Variants in NPHS1 observed in about 807,000 individuals in gnomAD.
NPHS1 encodes the protein nephrin.
Under a neutral mutation model 139.7 loss-of-function variants are expected in NPHS1, and 107 were observed. That is an observed-to-expected ratio of 0.77 (90% CI 0.66 to 0.90). NPHS1 has a LOEUF of 0.90. Ranked by LOEUF, NPHS1 falls within the 40% of genes least tolerant of loss-of-function variation. The pLI is 0.00. For synonymous variants in NPHS1, 707 were observed against 706.6 expected (o/e 1.00, Z -0.01); for missense variants, 1,580 against 1,654.2 (o/e 0.96, Z 0.78).
At chr19:35,828,099 C>T (rs1972822282) in intron 28 of NPHS1, among the ~76,000 whole-genome samples, 1 of 152,006 alleles carries the variant, frequency 6.6e-6, no homozygotes, top group South Asian at 2.1e-4. Flanking sequence ...ACAAAAAGAA[C>T]ATGAATGGTA....
intron 23 of NPHS1, among the ~76,000 whole-genome samples, chr19:35,834,096 G>A (rs1407191212): frequency 6.6e-6 from 1 of 152,106 alleles, no homozygotes; most frequent in Non-Finnish European, 1.5e-5. Flanking sequence ...CCAAATGGTT[G>A]CAATCATCTC....
chr19:35,843,370 A>G (rs1973087852), intron 17 of NPHS1, 102 bp downstream of exon 17: 2 of 1,389,968 alleles, frequency 1.4e-6, no homozygotes, highest in South Asian at 2.3e-5. Context: ...TATAGTTATA[A>G]GGGTCATACA....
At chr19:35,838,321 G>C (rs1973004297) in intron 22 of NPHS1, among the ~76,000 whole-genome samples, 1 of 150,004 alleles carries the variant, frequency 6.7e-6, no homozygotes. Flanking sequence ...GGGAGGCCAA[G>C]GCAGGTGGAT....
chr19:35,832,395 A>C (rs1219722817), intron 23 of NPHS1, among the ~76,000 whole-genome samples: 5 of 152,046 alleles, frequency 3.3e-5, no homozygotes, highest in Admixed American at 3.3e-4. Context: ...AAAATTAAAA[A>C]TTTAGCAGCA....
chr19:35,846,188 G>A lies in NPHS1; in HGVS notation c.1447C>T (p.Arg483Cys). The change falls in exon 12 of 29, where the codon CGC becomes TGC. Residue 483 changes from arginine to cysteine, a missense_variant. Physicochemically the swap from Arg to Cys is radical, Grantham distance 180 (BLOSUM62 -3). Transcript: ENST00000378910. ...EPSLMWYKDS[R>C]TVTESRLPQE... ...GGCAGCCGCGACTCGGTCACGGTGCGCGAGTCCTACGGGCCGGGAGTGACT... is the reference window on the plus strand; with the variant it reads ...GGCAGCCGCGACTCGGTCACGGTGCACGAGTCCTACGGGCCGGGAGTGACT... 1 of 1,588,660 alleles carries A rather than the reference G, an allele frequency of 6.3e-7. No homozygotes were observed. Among genetic ancestry groups the A allele is most frequent in the Non-Finnish European group, 8.5e-7 (1 of 1,169,992 alleles).
chr19:35,831,432 A>G, intron 25 of NPHS1, 44 bp downstream of exon 25: 1 of 1,612,968 alleles, frequency 6.2e-7, no homozygotes, highest in Non-Finnish European at 8.5e-7. Flanking sequence ...GTCTCCCCCA[A>G]ACCTCCCTCA....
chr19:35,841,035 C>T (rs1973048937), intron 20 of NPHS1, among the ~76,000 whole-genome samples: 1 of 151,864 alleles, frequency 6.6e-6, no homozygotes, highest in Non-Finnish European at 1.5e-5. Context: ...TCTGGGAATT[C>T]TAACAGACCA....
intron 16 of NPHS1, 152 bp downstream of exon 16, chr19:35,843,951 G>A (rs2146821592): frequency 9.3e-7 from 1 of 1,073,992 alleles, no homozygotes; most frequent in East Asian, 2.5e-5. Context: ...GTTCCGCAGT[G>A]GGCGTGGTTA....
intron 28 of NPHS1, 83 bp from the exon 29 acceptor site, chr19:35,826,728 C>A: frequency 1.4e-6 from 2 of 1,471,176 alleles, no homozygotes; most frequent in Non-Finnish European, 1.9e-6. Context: ...CATGCCCCTG[C>A]TTAACTTCCC....
chr19:35,840,567 C>A (rs1312998970), intron 20 of NPHS1, among the ~76,000 whole-genome samples: 2 of 151,982 alleles, frequency 1.3e-5, no homozygotes, highest in Admixed American at 1.3e-4. Flanking sequence ...ATCTCCTGAC[C>A]TCGTGATCCA....
rs201546612 is a variant in NPHS1 at position 35,851,631 on chromosome 19, A to G, written c.100T>C (p.Phe34Leu). The change falls in exon 2 of 29, where the codon TTC becomes CTC. Residue 34 changes from phenylalanine to leucine, a missense_variant. Physicochemically the swap from Phe to Leu is conservative, Grantham distance 22. Transcript: ENST00000378910. ...LAIPASVPRGFWALPENLTVV... is the reference protein window; with the variant it reads ...LAIPASVPRGLWALPENLTVV... ...GTCAGGTTTTCAGGCAGGGCCCAGA[A>G]GCCCCGGGGAACGGAGGCAGGAATC... The G allele has an allele frequency of 1.2e-6, 2 of 1,613,966 alleles. No homozygotes were observed. Among genetic ancestry groups the G allele is most frequent in the South Asian group, 2.2e-5 (2 of 91,052 alleles).
At chr19:35,829,088 C>G (rs577784799) in intron 28 of NPHS1, among the ~76,000 whole-genome samples, 1 of 152,352 alleles carries the variant, frequency 6.6e-6, no homozygotes, top group South Asian at 2.1e-4. Context: ...TTTGCCTGTA[C>G]AGCCACCATC....
At chr19:35,831,268 T>C (rs1418410057) in intron 26 of NPHS1, 28 bp downstream of exon 26, 4 of 1,611,446 alleles carry the variant, frequency 2.5e-6, no homozygotes, top group East Asian at 2.2e-5. Flanking sequence ...GCCCTGATTG[T>C]GGGGTCACCA....
chr19:35,841,713 A>G lies in NPHS1; in HGVS notation c.2815+2T>C. The G allele has an allele frequency of 1.2e-6, 2 of 1,614,016 alleles. No homozygotes were observed. The highest frequency in any genetic ancestry group is 1.7e-6 in the Non-Finnish European group (2 of 1,179,990). On this transcript the variant is annotated splice_donor_variant, in intron 20 of 28. Coordinates refer to ENST00000378910, the MANE Select transcript of NPHS1 (RefSeq NM_004646.4). LOFTEE classifies it high-confidence loss of function. ...CCCAACACCCTCACAGCCCCTCCAT[A>G]CTGATGCTGACAAGTTGAATGTTGG...
intron 23 of NPHS1, among the ~76,000 whole-genome samples, chr19:35,835,267 G>A (rs912817905): frequency 2.7e-5 from 4 of 145,580 alleles, no homozygotes; most frequent in African/African-American, 1.0e-4. Flanking sequence ...CTGCAAGTCT[G>A]CAATTCTGCA....
Position 35,844,377 on chromosome 19 carries a change from G to A in NPHS1, c.2013C>T (p.Ser671=), listed in dbSNP as rs775801945. Reference sequence around the variant, plus strand: ...TGAAGGCCTCGGGGGCGGGGTTAGCGGACACGGACACGGGCAGCAACGCCT... The same window carrying A: ...TGAAGGCCTCGGGGGCGGGGTTAGCAGACACGGACACGGGCAGCAACGCCT... ...QGEALLPVSV[S]ANPAPEAFNW... The change falls in exon 15 of 29, where the codon TCC becomes TCT. Residue 671 remains serine (S), a synonymous_variant. Transcript: ENST00000378910. The A allele has an allele frequency of 6.2e-6, 10 of 1,612,982 alleles. No homozygotes were observed. Among genetic ancestry groups the A allele is most frequent in the Admixed American group, 3.3e-5 (2 of 59,896 alleles).
intron 23 of NPHS1, among the ~76,000 whole-genome samples, chr19:35,835,199 C>CAAAAAAAAAAAAAAAAAAAAA (rs71167570): frequency 1.4e-5 from 1 of 71,220 alleles, no homozygotes; most frequent in Non-Finnish European, 2.5e-5. Flanking sequence ...GACTCTGTCT[C>CAAAAAAAAAAAAAAAAAAAAA]AAAAAAAAAA....
At chr19:35,849,404 TC>T in intron 6 of NPHS1, 41 bp from the exon 7 acceptor site, 1 of 1,603,386 alleles carries the variant, frequency 6.2e-7, no homozygotes, top group Non-Finnish European at 8.5e-7. Flanking sequence ...GAGTAGCCCA[TC>T]CACTCTTTCC....
intron 4 of NPHS1, 34 bp from the exon 5 acceptor site, chr19:35,850,479 G>A (rs1973222889): frequency 6.4e-7 from 1 of 1,572,652 alleles, no homozygotes; most frequent in South Asian, 1.1e-5. Flanking sequence ...GGGGTTCCAG[G>A]CTCCCCGCAA....
Sources: allele counts gnomAD v4.1 joint callset (sites outside exome capture counted in the v4.1 genomes callset), GRCh38; gene constraint gnomAD v4.1.1; transcripts MANE v1.5; gene names NCBI Gene and HGNC (gene_info 2026-07-23, HGNC 2026-07-21).